FHIT: variants seen among roughly 807,000 people sequenced by gnomAD.
FHIT encodes the protein bis(5'-adenosyl)-triphosphatase.
FHIT carries 19 observed loss-of-function variants against 17.9 expected under a neutral mutation model. That is an observed-to-expected ratio of 1.06 (90% CI 0.74 to 1.56). The LOEUF is 1.56. Among genes scored for constraint, FHIT ranks in the 40% most tolerant of loss-of-function variants. FHIT has a pLI of 0.00. For synonymous variants in FHIT, 81 were observed against 69.7 expected (o/e 1.16, Z -0.81); for missense variants, 248 against 189.2 (o/e 1.31, Z -1.82).
chr3:60,224,934 T>C (rs1704125649), intron 5 of FHIT, among the ~76,000 whole-genome samples: 1 of 152,148 alleles, frequency 6.6e-6, no homozygotes, highest in East Asian at 1.9e-4. Context: ...TTGGCCAGAC[T>C]GGTCTCGAAC....
chr3:60,100,200 T>C (rs1252316657), intron 5 of FHIT, among the ~76,000 whole-genome samples: 1 of 152,006 alleles, frequency 6.6e-6, no homozygotes, highest in Non-Finnish European at 1.5e-5. Flanking sequence ...CCCCCGTCAA[T>C]ATGGTAAAAC....
chr3:60,401,767 C>G (rs974992557), intron 5 of FHIT, among the ~76,000 whole-genome samples: 1 of 152,110 alleles, frequency 6.6e-6, no homozygotes, highest in African/African-American at 2.4e-5. Flanking sequence ...AATTCTGGTA[C>G]AAAAGCAGTT....
At chr3:60,535,589 G>A (rs893469998) in intron 5 of FHIT, among the ~76,000 whole-genome samples, 2 of 150,252 alleles carry the variant, frequency 1.3e-5, no homozygotes, top group African/African-American at 4.9e-5. Flanking sequence ...TCATTCTAGT[G>A]TTTTTTTTTA....
chr3:60,795,379 T>A (rs1553729925), intron 4 of FHIT, among the ~76,000 whole-genome samples: 4 of 152,256 alleles, frequency 2.6e-5, no homozygotes, highest in Non-Finnish European at 2.9e-5. Context: ...GTTGAATATG[T>A]TTGGGTAACT....
chr3:60,896,929 C>T (rs1055451927), intron 3 of FHIT, among the ~76,000 whole-genome samples: 1 of 152,190 alleles, frequency 6.6e-6, no homozygotes. Flanking sequence ...TATTCCCACC[C>T]TGTAGATGAC....
chr3:60,194,839 A>C (rs1312340746), intron 5 of FHIT, among the ~76,000 whole-genome samples: 1 of 152,102 alleles, frequency 6.6e-6, no homozygotes, highest in Non-Finnish European at 1.5e-5. Context: ...AAAAATGCTC[A>C]ACATCACTCA....
chr3:59,775,021 G>A (rs1312874836), intron 8 of FHIT, among the ~76,000 whole-genome samples: 2 of 152,170 alleles, frequency 1.3e-5, no homozygotes, highest in Non-Finnish European at 2.9e-5. Flanking sequence ...AGATCGCCAA[G>A]AAATTCATAG....
At chr3:60,347,485 C>T (rs1053575736) in intron 5 of FHIT, among the ~76,000 whole-genome samples, 11 of 151,942 alleles carry the variant, frequency 7.2e-5, no homozygotes, top group South Asian at 2.1e-4. Context: ...GCTGGGGGGA[C>T]GATTACTCAT....
intron 5 of FHIT, among the ~76,000 whole-genome samples, chr3:60,194,920 CCT>C (rs1321886341): frequency 6.6e-6 from 1 of 152,054 alleles, no homozygotes; most frequent in African/African-American, 2.4e-5. Flanking sequence ...AATCCCAGCA[CCT>C]TAGGAGGCCG....
chr3:59,947,717 G>C (rs1041787738), intron 7 of FHIT, among the ~76,000 whole-genome samples: 1 of 152,208 alleles, frequency 6.6e-6, no homozygotes, highest in East Asian at 1.9e-4. Flanking sequence ...TGTGCTGGAG[G>C]GGCATAGGTG....
chr3:60,197,122 C>T (rs986325313), intron 5 of FHIT, among the ~76,000 whole-genome samples: 3 of 152,156 alleles, frequency 2.0e-5, no homozygotes, highest in East Asian at 1.9e-4. Flanking sequence ...AAGCAGCATA[C>T]TTAACATGCA....
rs193151418 is a variant in FHIT at position 60,011,944 on chromosome 3, T to C, written c.250-544A>G. Among the ~76,000 whole-genome samples the C allele has an allele frequency of 1.9e-3, 283 of 152,274 alleles. 1 individual carries two copies. The highest frequency in any genetic ancestry group is 3.3e-3 in the South Asian group (16 of 4,818). ...CCCTTTCTCTGTTTCTGAAGCTTAG[T>C]TGGAAATGGGCAAACTCACCAAGTC... is the stretch of plus-strand genomic sequence containing the variant. On this transcript the variant is annotated intron_variant, in intron 6 of 9. Coordinates refer to ENST00000492590, the MANE Select transcript of FHIT (RefSeq NM_002012.4).
At chr3:61,050,761 T>A (rs749147671) in intron 2 of FHIT, among the ~76,000 whole-genome samples, 9 of 152,212 alleles carry the variant, frequency 5.9e-5, no homozygotes, top group Non-Finnish European at 1.2e-4. Context: ...TACATTTGTG[T>A]ATATTTGAAA....
intron 2 of FHIT, among the ~76,000 whole-genome samples, chr3:61,129,663 GA>G (rs2036710106): frequency 6.6e-6 from 1 of 152,158 alleles, no homozygotes; most frequent in South Asian, 2.1e-4. Context: ...AAACTGAATT[GA>G]ATCAGGAGGT....
In FHIT at chr3:60,760,244, T is replaced by C. The variant is rs1298944877; in HGVS notation, c.-18+61675A>G. 7.2e-5 allele frequency among the ~76,000 whole-genome samples: 11 copies of C among 152,098 alleles called. No homozygotes were observed. The South Asian group carries it at 1.0e-3, about 14-fold the overall frequency. Reference sequence around the variant, plus strand: ...AGCCAAGTGTTTTTGTAGGCATGTGTTGAGGTTCACGGCACCATGAAGGCC... The same window carrying C: ...AGCCAAGTGTTTTTGTAGGCATGTGCTGAGGTTCACGGCACCATGAAGGCC... On this transcript the variant is annotated intron_variant, in intron 4 of 9. Transcript: ENST00000492590.
At chr3:60,294,349 G>A (rs1352276150) in intron 5 of FHIT, among the ~76,000 whole-genome samples, 3 of 152,110 alleles carry the variant, frequency 2.0e-5, no homozygotes, top group Non-Finnish European at 4.4e-5. Flanking sequence ...CAGCTGGAAG[G>A]GACCTCAGAG....
intron 3 of FHIT, among the ~76,000 whole-genome samples, chr3:60,927,097 C>G (rs1327432768): frequency 6.6e-6 from 1 of 152,152 alleles, no homozygotes. Flanking sequence ...TGCAACCTCC[C>G]TGCCTGATTC....
rs75529625 is a variant in FHIT at position 59,949,761 on chromosome 3, C to T, written c.280-27347G>A. 4.8e-3 allele frequency among the ~76,000 whole-genome samples: 729 copies of T among 152,316 alleles called. 30 individuals are homozygous for T. The East Asian group carries it at 0.11, about 23-fold the overall frequency. On this transcript the variant is annotated intron_variant, in intron 7 of 9. Coordinates refer to ENST00000492590, the MANE Select transcript of FHIT (RefSeq NM_002012.4). ...ACTTGTGATCTGTGGGCTGTGTTTA[C>T]ATATGAACATCATATTCAATACACA...
At chr3:60,732,412 T>C in intron 4 of FHIT, 1 of 751,272 alleles carries the variant, frequency 1.3e-6, no homozygotes, top group Non-Finnish European at 2.5e-6. Flanking sequence ...TAGATGGACT[T>C]GCCACCAGTG....
Sources: allele counts gnomAD v4.1 joint callset (sites outside exome capture counted in the v4.1 genomes callset), GRCh38; gene constraint gnomAD v4.1.1; transcripts MANE v1.5; gene names NCBI Gene and HGNC (gene_info 2026-07-23, HGNC 2026-07-21).